Variants in GEMIN5 observed in about 807,000 individuals in gnomAD.
GEMIN5 encodes the protein gem-associated protein 5.
A neutral mutation model predicts 176.9 loss-of-function variants in GEMIN5; 124 were observed. That is an observed-to-expected ratio of 0.70 (90% CI 0.61 to 0.81). The LOEUF (loss-of-function observed/expected upper bound fraction) is 0.81. Ranked by LOEUF, GEMIN5 falls within the 40% of genes least tolerant of loss-of-function variation. The probability of loss-of-function intolerance (pLI) is 0.00; values close to 1 mark genes in which losing one functional copy is unlikely to be tolerated. For synonymous variants in GEMIN5, 673 were observed against 665.2 expected (o/e 1.01, Z -0.18); for missense variants, 1,843 against 1,814.6 (o/e 1.02, Z -0.28).
At chr5:154,914,427 G>C (rs1763772030) in intron 13 of GEMIN5, among the ~76,000 whole-genome samples, 1 of 150,188 alleles carries the variant, frequency 6.7e-6, no homozygotes, top group Non-Finnish European at 1.5e-5. Context: ...AATCTGCACT[G>C]GAGAAAAAAA....
chr5:154,923,676 A>T (rs1763971802), intron 9 of GEMIN5, among the ~76,000 whole-genome samples: 3 of 152,260 alleles, frequency 2.0e-5, no homozygotes, highest in Admixed American at 1.3e-4. Flanking sequence ...CCACTTAAAA[A>T]GCAAAACCAT....
At chr5:154,900,246 A>C (rs1763436262) in intron 21 of GEMIN5, among the ~76,000 whole-genome samples, 1 of 152,220 alleles carries the variant, frequency 6.6e-6, no homozygotes, top group South Asian at 2.1e-4. Flanking sequence ...ACAACTCAGT[A>C]AACAAATATT....
chr5:154,911,421 G>A (rs115339287), intron 15 of GEMIN5, among the ~76,000 whole-genome samples: 223 of 152,304 alleles, frequency 1.5e-3, no homozygotes, highest in African/African-American at 4.6e-3. Flanking sequence ...GTCAAGGTGC[G>A]AGAATTGCTT....
At chr5:154,912,466 C>G (rs1199148265) in intron 14 of GEMIN5, among the ~76,000 whole-genome samples, 2 of 152,192 alleles carry the variant, frequency 1.3e-5, no homozygotes, top group African/African-American at 4.8e-5. Flanking sequence ...CACAAGTCCT[C>G]CCTCATAGAT....
At chr5:154,930,557 C>T (rs745506276) in intron 5 of GEMIN5, among the ~76,000 whole-genome samples, 43 of 152,088 alleles carry the variant, frequency 2.8e-4, no homozygotes, top group Non-Finnish European at 3.2e-4. Flanking sequence ...CAATGAACCT[C>T]GGGGATATAT....
intron 16 of GEMIN5, 63 bp from the exon 17 acceptor site, chr5:154,905,539 C>A: frequency 1.3e-6 from 1 of 763,710 alleles, no homozygotes; most frequent in South Asian, 1.9e-5. Flanking sequence ...AATTTCAGTT[C>A]TTTGTAAAAA....
Position 154,902,591 on chromosome 5 carries a change from A to G in GEMIN5, c.2814T>C (p.Thr938=). Residue 938 remains threonine (T), a synonymous_variant, in exon 20 of 28, where the codon ACT becomes ACC. Coordinates refer to ENST00000285873, the MANE Select transcript of GEMIN5 (RefSeq NM_015465.5). ...CTGTCAGCTCCCCTCTTTCTGCTGC[A>G]GTCTGGAGAACACCTTTGAGATCTC... is the stretch of plus-strand genomic sequence containing the variant. ...WKGDLKGVLQ[T]AAERGELTDN... 1.2e-6 allele frequency: 2 copies of G among 1,614,108 alleles called. No homozygotes were observed. Among genetic ancestry groups the G allele is most frequent in the Non-Finnish European group, 1.7e-6 (2 of 1,179,922 alleles).
chr5:154,918,047 A>C, intron 11 of GEMIN5, 43 bp from the exon 12 acceptor site: 88 of 1,228,848 alleles, frequency 7.2e-5, no homozygotes, highest in Non-Finnish European at 9.5e-5. Flanking sequence ...TACATATCTC[A>C]CAAATCAGCA....
Position 154,927,404 on chromosome 5 carries a change from G to C in GEMIN5, c.1061C>G (p.Ser354Cys). The change falls in exon 7 of 28, where the codon TCT (serine) becomes TGT (cysteine). Residue 354 changes from serine to cysteine, a missense_variant. By Grantham distance (112) the Ser-to-Cys change is moderately radical. Coordinates refer to ENST00000285873, the MANE Select transcript of GEMIN5 (RefSeq NM_015465.5). ...QTEDDKQLLL[S>C]TSMDRDVKCW... The stretch of plus-strand genomic sequence containing the variant: ...TCTTACATCTCTATCCATTGATGTA[G>C]AAAGTAATAGCTGTTTGTCATCCTC... The C allele has an allele frequency of 1.3e-6, 2 of 1,576,626 alleles. No homozygotes were observed. The highest frequency in any genetic ancestry group is 1.7e-6 in the Non-Finnish European group (2 of 1,146,074).
intron 5 of GEMIN5, among the ~76,000 whole-genome samples, chr5:154,930,485 C>T (rs1271116343): frequency 6.6e-6 from 1 of 152,168 alleles, no homozygotes; most frequent in Non-Finnish European, 1.5e-5. Flanking sequence ...GTGGGACATA[C>T]ACACAATGGA....
intron 15 of GEMIN5, among the ~76,000 whole-genome samples, chr5:154,908,171 C>CTTTTTTTTTTTTTTTTTTTT (rs1561716794): frequency 1.1e-5 from 1 of 88,708 alleles, no homozygotes; most frequent in African/African-American, 4.5e-5. Flanking sequence ...ACCCAGATGT[C>CTTTTTTTTTTTTTTTTTTTT]CTTTTTTTTT....
rs1417512590 is a variant in GEMIN5, at chr5:154,937,979, G to A, written c.155C>T (p.Pro52Leu). Residue 52 changes from proline (P) to leucine (L), a missense_variant, in exon 1 of 28, where the codon CCC (proline) becomes CTC (leucine). By Grantham distance (98) the Pro-to-Leu change is moderately conservative (BLOSUM62 -3). Transcript: ENST00000285873. ...GPGAGESPGT[P>L]PFRVIGELVG... ...GGGTGGTGAGTTACCTCGAAACGGG[G>A]GTGTCCCTGGACTCTCGCCTGCGCC... The A allele has an allele frequency of 3.2e-6, 5 of 1,573,748 alleles. No homozygotes were observed. Among genetic ancestry groups the A allele is most frequent in the Middle Eastern group, 1.9e-4 (1 of 5,252 alleles).
chr5:154,908,141 A>G (rs1472595236), intron 15 of GEMIN5, among the ~76,000 whole-genome samples: 1 of 86,308 alleles, frequency 1.2e-5, no homozygotes, highest in Non-Finnish European at 2.4e-5. Flanking sequence ...CATACTCTCT[A>G]TTTAAGTTCT....
Position 154,926,055 on chromosome 5 carries a change from G to T in GEMIN5, c.1100C>A (p.Ala367Asp). 3 of 1,611,084 alleles carry T rather than the reference G, an allele frequency of 1.9e-6. No individual in the cohort carries two copies. Among genetic ancestry groups the T allele is most frequent in the Non-Finnish European group, 2.5e-6 (3 of 1,177,294 alleles). The change falls in exon 8 of 28, where the codon GCC becomes GAC. Residue 367 changes from alanine (A) to aspartate (D), a missense_variant. Ala to Asp is a moderately radical substitution (Grantham distance 126). Coordinates refer to ENST00000285873, the MANE Select transcript of GEMIN5 (RefSeq NM_015465.5). ...MDRDVKCWDI[A>D]TLECSWTLPS... Reference sequence around the variant, plus strand: ...AAGGGTCCAGCTGCACTCCAAGGTGGCTATGTCCCAACATTTTACCTGCAA... The same window carrying T: ...AAGGGTCCAGCTGCACTCCAAGGTGTCTATGTCCCAACATTTTACCTGCAA...
Position 154,891,740 on chromosome 5 carries a change from A to C in GEMIN5, c.3763T>G (p.Cys1255Gly), listed in dbSNP as rs780541593. Residue 1255 changes from cysteine to glycine, a missense_variant and splice_region_variant, in exon 26 of 28, where the codon TGT becomes GGT. Transcript: ENST00000285873. ...CCCAACTTGTCTCTTAGGTGGTCAC[A>C]GCCTAGGAAAAGAGGAAAAAGATAC... ...EVYSAFLPDG[C>G]DHLRDKLGDH... 1 of 1,574,918 alleles carries C rather than the reference A, an allele frequency of 6.3e-7. No homozygotes were observed. Among genetic ancestry groups the C allele is most frequent in the Non-Finnish European group, 8.6e-7 (1 of 1,167,800 alleles).
intron 18 of GEMIN5, among the ~76,000 whole-genome samples, chr5:154,903,610 C>T (rs1166744536): frequency 2.0e-5 from 3 of 152,068 alleles, no homozygotes; most frequent in African/African-American, 7.2e-5. Flanking sequence ...AAGCATAAAA[C>T]ATCTCCATCA....
chr5:154,920,217 T>A, intron 10 of GEMIN5, 114 bp from the exon 11 acceptor site: 2 of 701,178 alleles, frequency 2.9e-6, no homozygotes, highest in Non-Finnish European at 4.5e-6. Context: ...ACTATATATT[T>A]GAAACATTCT....
At chr5:154,905,235 A>C in intron 17 of GEMIN5, 128 bp downstream of exon 17, 1 of 478,348 alleles carries the variant, frequency 2.1e-6, no homozygotes, top group Non-Finnish European at 3.8e-6. Flanking sequence ...TAATCAGAAA[A>C]CCTACAAATA....
chr5:154,918,400 A>G (rs1445124236), intron 11 of GEMIN5, among the ~76,000 whole-genome samples: 2 of 152,080 alleles, frequency 1.3e-5, no homozygotes, highest in African/African-American at 2.4e-5. Context: ...TTTCCCTCCC[A>G]TATCTATATG....
Sources: gnomAD v4.1 joint callset for allele counts (sites outside exome capture counted in the v4.1 genomes callset) on GRCh38, gnomAD v4.1.1 for gene constraint, MANE v1.5 for transcripts, NCBI Gene and HGNC (gene_info 2026-07-23, HGNC 2026-07-21) for gene names.